ACSM1: variants seen among roughly 807,000 people sequenced by gnomAD.
ACSM1 encodes the protein acyl-CoA synthetase medium chain family member 1.
Under a neutral mutation model 75.8 loss-of-function variants are expected in ACSM1, and 79 were observed. That is an observed-to-expected ratio of 1.04 (90% CI 0.87 to 1.26). The LOEUF (loss-of-function observed/expected upper bound fraction) is 1.26, where lower values mean the gene tolerates loss of function less well. ACSM1 is among the 50% of genes most tolerant of loss of function. The pLI is 0.00. For missense variants in ACSM1, 676 were observed against 720.1 expected, an observed-to-expected ratio of 0.94 and a Z score of 0.70; for synonymous variants, 279 against 265.8, an observed-to-expected ratio of 1.05 and a Z score of -0.48.
At chr16:20,637,087 A>T (rs1287411926) in intron 9 of ACSM1, 2 of 753,192 alleles carry the variant, frequency 2.7e-6, no homozygotes, top group African/African-American at 3.4e-5. Flanking sequence ...GTGATCAAAA[A>T]AAATGAAAAG....
Position 20,637,470 on chromosome 16 carries a change from A to C in ACSM1, c.1117-19T>G. 1 of 1,610,020 alleles carries C rather than the reference A, an allele frequency of 6.2e-7. No homozygotes were observed. Among genetic ancestry groups the C allele is most frequent in the Admixed American group, 1.7e-5 (1 of 60,008 alleles). ...TTAGTCCCTGTTCACAAAAGAAAGAAGATTTGGGTTGATCAGAGAGGCCAG... is the reference window on the plus strand; with the variant it reads ...TTAGTCCCTGTTCACAAAAGAAAGACGATTTGGGTTGATCAGAGAGGCCAG... On this transcript the variant is annotated intron_variant, in intron 8 of 13. Coordinates refer to ENST00000520010, the MANE Select transcript of ACSM1 (RefSeq NM_001318890.3).
intron 4 of ACSM1, among the ~76,000 whole-genome samples, chr16:20,673,454 G>A (rs2020081213): frequency 6.6e-6 from 1 of 152,160 alleles, no homozygotes; most frequent in Admixed American, 6.6e-5. Flanking sequence ...TGACTTTGCT[G>A]TAATGTTTGC....
intron 7 of ACSM1, among the ~76,000 whole-genome samples, chr16:20,641,336 C>A (rs2018047837): frequency 6.6e-6 from 1 of 152,164 alleles, no homozygotes; most frequent in Non-Finnish European, 1.5e-5. Flanking sequence ...ATTAATGCAG[C>A]CATGCCCTGC....
At chr16:20,646,134 A>T (rs555959982) in intron 7 of ACSM1, among the ~76,000 whole-genome samples, 14 of 152,334 alleles carry the variant, frequency 9.2e-5, no homozygotes, top group Admixed American at 6.5e-4. Flanking sequence ...TGAAAAAAAA[A>T]CACCACTTTA....
Position 20,636,989 on chromosome 16 carries a change from T to A in ACSM1, c.1198-149A>T. On this transcript the variant is annotated intron_variant, in intron 9 of 13. Coordinates refer to ENST00000520010, the MANE Select transcript of ACSM1 (RefSeq NM_001318890.3). ...AATGGAATAAAACTGTCAAAAGCCT[T>A]TAAAATACGCAAATGTGAAACTCAA... 4.4e-6 allele frequency: 3 copies of A among 685,480 alleles called. No homozygotes were observed. The Admixed American group carries it at 7.2e-5, about 16-fold the overall frequency. 42.5% of individuals were successfully genotyped at this position (685,480 alleles called of 1,614,324 possible). A position where few individuals can be genotyped will look rare whatever the true frequency, so the allele number is the denominator to read the frequency against.
chr16:20,657,342 C>T (rs2019031906), intron 7 of ACSM1, among the ~76,000 whole-genome samples: 1 of 151,898 alleles, frequency 6.6e-6, no homozygotes. Flanking sequence ...GAGTCTCTCT[C>T]TTGTCACCCA....
At chr16:20,632,838 T>C (rs1169877279) in intron 10 of ACSM1, among the ~76,000 whole-genome samples, 1 of 152,188 alleles carries the variant, frequency 6.6e-6, no homozygotes, top group Non-Finnish European at 1.5e-5. Context: ...TTATACATCA[T>C]GACCAAGTGG....
At chr16:20,695,827 A>ATCCTTT (rs1401870696) in intron 1 of ACSM1, among the ~76,000 whole-genome samples, 2 of 152,156 alleles carry the variant, frequency 1.3e-5, no homozygotes, top group Non-Finnish European at 2.9e-5. Context: ...CTATTTCTGT[A>ATCCTTT]TCTATATACC....
At chr16:20,630,375 C>T (rs1221259729) in intron 10 of ACSM1, among the ~76,000 whole-genome samples, 2 of 152,002 alleles carry the variant, frequency 1.3e-5, no homozygotes, top group African/African-American at 2.4e-5. Context: ...GCGTGAGCCA[C>T]GATGCCCGGT....
chr16:20,671,427 G>A, intron 5 of ACSM1, 104 bp downstream of exon 5: 2 of 1,267,280 alleles, frequency 1.6e-6, no homozygotes, highest in East Asian at 2.6e-5. Context: ...TCTACTTCCA[G>A]TTCCTTTCCC....
intron 7 of ACSM1, among the ~76,000 whole-genome samples, chr16:20,645,370 C>T (rs1239456684): frequency 2.0e-5 from 3 of 152,142 alleles, no homozygotes; most frequent in South Asian, 2.1e-4. Context: ...AGATGGGAAA[C>T]GTTCCCCCCA....
Position 20,627,255 on chromosome 16 carries a change from C to A in ACSM1, c.1361G>T (p.Gly454Val), listed in dbSNP as rs745907862. ...CGDFYNTGDR[G>V]KMDEEGYICF... ...AATGTAGCCCTCTTCATCCATCTTA[C>A]CTCTGTCCCCAGTGTTGTAGAAGTC... Residue 454 changes from glycine (G) to valine (V), a missense_variant, in exon 11 of 14, where the codon GGT (glycine) becomes GTT (valine). By Grantham distance (109) the Gly-to-Val change is moderately radical. Transcript: ENST00000520010. 1 of 1,592,552 alleles carries A rather than the reference C, an allele frequency of 6.3e-7. No homozygotes were observed. Among genetic ancestry groups the A allele is most frequent in the Non-Finnish European group, 8.5e-7 (1 of 1,171,486 alleles).
In ACSM1 at chr16:20,624,068, C is replaced by A. The variant is rs368845905; in HGVS notation, c.1647+28G>T. ...CTAGCAGGGAACGCTTCAGGGCCACCAGATCCCTTCCATCTGCCCTCACTC... is the reference window on the plus strand; with the variant it reads ...CTAGCAGGGAACGCTTCAGGGCCACAAGATCCCTTCCATCTGCCCTCACTC... On this transcript the variant is annotated intron_variant, in intron 13 of 13. Transcript: ENST00000520010. 13 of 1,608,416 alleles carry A rather than the reference C, an allele frequency of 8.1e-6. No individual in the cohort carries two copies. The African/African-American group carries it at 1.6e-4, about 20-fold the overall frequency.
intron 10 of ACSM1, among the ~76,000 whole-genome samples, chr16:20,631,562 T>G (rs1279859952): frequency 6.6e-6 from 1 of 152,202 alleles, no homozygotes; most frequent in African/African-American, 2.4e-5. Context: ...AAAAGACATA[T>G]GCACATGCGT....
chr16:20,649,053 T>A (rs1436443297), intron 7 of ACSM1, among the ~76,000 whole-genome samples: 1 of 152,200 alleles, frequency 6.6e-6, no homozygotes, highest in Non-Finnish European at 1.5e-5. Flanking sequence ...ACATGTTAAA[T>A]AAATTTGCAA....
intron 7 of ACSM1, among the ~76,000 whole-genome samples, chr16:20,641,887 G>A (rs1468082189): frequency 6.6e-6 from 1 of 152,188 alleles, no homozygotes; most frequent in African/African-American, 2.4e-5. Flanking sequence ...AGCTCGGTGG[G>A]AAAGTGGAGT....
chr16:20,685,463 A>C (rs1473045993), intron 2 of ACSM1, 60 bp from the exon 3 acceptor site: 2 of 1,474,758 alleles, frequency 1.4e-6, no homozygotes, highest in Non-Finnish European at 1.9e-6. Context: ...GCACTTAGTA[A>C]ACTAATCCAC....
intron 10 of ACSM1, among the ~76,000 whole-genome samples, chr16:20,635,875 G>A (rs1409622575): frequency 1.3e-5 from 2 of 152,004 alleles, no homozygotes; most frequent in Admixed American, 6.6e-5. Flanking sequence ...TCCTGACCTC[G>A]TGATCCACCC....
At chr16:20,688,244 C>A (rs910650085) in intron 2 of ACSM1, among the ~76,000 whole-genome samples, 1 of 151,812 alleles carries the variant, frequency 6.6e-6, no homozygotes, top group Admixed American at 6.6e-5. Context: ...TTTAAAATTA[C>A]TGAATCTGAG....
Sources: allele counts gnomAD v4.1 joint callset (sites outside exome capture counted in the v4.1 genomes callset), GRCh38; gene constraint gnomAD v4.1.1; transcripts MANE v1.5; gene names NCBI Gene and HGNC (gene_info 2026-07-23, HGNC 2026-07-21).